Variants in CREBBP observed in about 807,000 individuals in gnomAD.
CREBBP encodes the protein CREB-binding protein.
CREBBP carries 19 observed loss-of-function variants against 265.0 expected under a neutral mutation model. The ratio of observed to expected loss-of-function variants is 0.07; its 90% confidence interval spans 0.05 to 0.11. CREBBP has a LOEUF of 0.11. Among genes scored for constraint, CREBBP ranks in the 10% least tolerant of loss-of-function variants. The probability of loss-of-function intolerance (pLI) is 1.00; values close to 1 mark genes in which losing one functional copy is unlikely to be tolerated. For synonymous variants in CREBBP, 1,457 were observed against 1,223.7 expected, an observed-to-expected ratio of 1.19 and a Z score of -3.98; for missense variants, 2,525 against 3,219.0, an observed-to-expected ratio of 0.78 and a Z score of 5.22.
chr16:3,851,880 G>C (rs1401086110), intron 1 of CREBBP, among the ~76,000 whole-genome samples: 1 of 94,518 alleles, frequency 1.1e-5, no homozygotes, highest in Non-Finnish European at 2.1e-5. Context: ...AAAAAAAAAA[G>C]ACAAAACATT....
At chr16:3,744,753 T>C (rs775549442) in intron 23 of CREBBP, 141 bp downstream of exon 23, 271 of 728,028 alleles carry the variant, frequency 3.7e-4, no homozygotes, top group Non-Finnish European at 6.1e-4. Flanking sequence ...AAATACAAAG[T>C]ACTGGGGAAA....
intron 19 of CREBBP, among the ~76,000 whole-genome samples, chr16:3,756,182 C>G (rs1473633059): frequency 1.3e-5 from 2 of 152,142 alleles, no homozygotes; most frequent in African/African-American, 4.8e-5. Flanking sequence ...ACGCCAAACC[C>G]CACTGTTGAC....
intron 6 of CREBBP, 53 bp downstream of exon 6, chr16:3,782,631 C>A (rs1486682568): frequency 1.7e-5 from 27 of 1,608,066 alleles, no homozygotes; most frequent in Middle Eastern, 1.8e-4. Context: ...TCACTCCATT[C>A]CCTTTGCTGC....
At chr16:3,778,602 T>C (rs1236085474) in intron 9 of CREBBP, 98 bp downstream of exon 9, 1 of 1,061,930 alleles carries the variant, frequency 9.4e-7, no homozygotes, top group Non-Finnish European at 1.5e-6. Flanking sequence ...CTGTCCCAAC[T>C]ACATAGATTC....
chr16:3,758,560 C>G (rs1372995614), intron 17 of CREBBP, among the ~76,000 whole-genome samples: 1 of 152,156 alleles, frequency 6.6e-6, no homozygotes, highest in African/African-American at 2.4e-5. Flanking sequence ...TTCATGTTCA[C>G]AAATTCTTTC....
chr16:3,767,647 T>C, intron 16 of CREBBP, 73 bp downstream of exon 16: 1 of 1,593,196 alleles, frequency 6.3e-7, no homozygotes, highest in South Asian at 1.1e-5. Context: ...CTTTAGCTTT[T>C]AATCCTCCAC....
intron 19 of CREBBP, among the ~76,000 whole-genome samples, chr16:3,754,714 T>C (rs1316764599): frequency 2.6e-5 from 4 of 152,210 alleles, no homozygotes; most frequent in East Asian, 1.9e-4. Context: ...TTTTCCAACA[T>C]GAGTTACTTT....
chr16:3,796,342 T>C (rs1029688601), intron 3 of CREBBP, among the ~76,000 whole-genome samples: 2 of 151,472 alleles, frequency 1.3e-5, no homozygotes, highest in South Asian at 2.1e-4. Context: ...CAGCCTCCCA[T>C]GTAGCTGGGA....
chr16:3,780,677 T>C (rs928513578), intron 8 of CREBBP, 55 bp downstream of exon 8: 7 of 1,595,686 alleles, frequency 4.4e-6, no homozygotes, highest in East Asian at 2.2e-5. Context: ...TGGTAGCCAA[T>C]GGGCAACACA....
chr16:3,749,830 C>T (rs531147579), intron 20 of CREBBP, 147 bp from the exon 21 acceptor site: 28 of 609,066 alleles, frequency 4.6e-5, no homozygotes, highest in African/African-American at 4.3e-4. Flanking sequence ...CATGTAATAA[C>T]GGAATGAACA....
intron 1 of CREBBP, among the ~76,000 whole-genome samples, chr16:3,871,195 T>TCTCTCA (rs1404339203): frequency 1.3e-5 from 1 of 79,110 alleles, no homozygotes; most frequent in African/African-American, 4.7e-5. Context: ...TCTCTCTCTC[T>TCTCTCA]CACTCACACA....
At chr16:3,791,502 A>G (rs1177103170) in intron 5 of CREBBP, among the ~76,000 whole-genome samples, 1 of 152,148 alleles carries the variant, frequency 6.6e-6, no homozygotes, top group Non-Finnish European at 1.5e-5. Flanking sequence ...TCTGTGTGGG[A>G]TTTTATACTG....
In CREBBP at chr16:3,730,507, C is replaced by T. The variant is rs188926016; in HGVS notation, c.5173-633G>A. 1.3e-3 allele frequency: 201 copies of T among 159,202 alleles called. 1 individual carries two copies. The highest frequency in any genetic ancestry group is 0.01 in the South Asian group (56 of 5,460). 9.9% of individuals were successfully genotyped at this position (159,202 alleles called of 1,614,324 possible). A position where few individuals can be genotyped will look rare whatever the true frequency, so the allele number is the denominator to read the frequency against. On this transcript the variant is annotated intron_variant, in intron 30 of 30. Coordinates refer to ENST00000262367, the MANE Select transcript of CREBBP (RefSeq NM_004380.3). ...CTGATGGAGCCCTAGGACCAGGTAC[C>T]ATGACTGTGTTCACAAAAAGATATG... is the stretch of plus-strand genomic sequence containing the variant.
rs149519852 is a variant in CREBBP at position 3,831,190 on chromosome 16, A to G, written c.798+19107T>C. The stretch of plus-strand genomic sequence containing the variant: ...ACCATACAAAGCATGTTTTCTGAAC[A>G]CAGTGGAGTTAAAAACCAACAATAA... On this transcript the variant is annotated intron_variant, in intron 2 of 30. Coordinates refer to ENST00000262367, the MANE Select transcript of CREBBP (RefSeq NM_004380.3). 2.5e-3 allele frequency among the ~76,000 whole-genome samples: 382 copies of G among 152,356 alleles called. 4 individuals carry two copies. The highest frequency in any genetic ancestry group is 8.8e-3 in the African/African-American group (366 of 41,584).
chr16:3,832,987 G>C (rs2054372666), intron 2 of CREBBP, among the ~76,000 whole-genome samples: 1 of 152,084 alleles, frequency 6.6e-6, no homozygotes, highest in Admixed American at 6.5e-5. Flanking sequence ...CAGCAAACTA[G>C]AAACAGAATT....
At chr16:3,754,802 G>T (rs183174733) in intron 19 of CREBBP, among the ~76,000 whole-genome samples, 1 of 152,176 alleles carries the variant, frequency 6.6e-6, no homozygotes, top group Non-Finnish European at 1.5e-5. Flanking sequence ...TTGTTTAAAT[G>T]ATCTGTAGGA....
At chr16:3,795,283 G>C (rs2053585370) in intron 3 of CREBBP, among the ~76,000 whole-genome samples, 1 of 152,118 alleles carries the variant, frequency 6.6e-6, no homozygotes, top group South Asian at 2.1e-4. Context: ...ATACACTGCA[G>C]GAAATTTGGA....
intron 19 of CREBBP, among the ~76,000 whole-genome samples, chr16:3,756,737 C>A (rs2052594975): frequency 6.6e-6 from 1 of 152,092 alleles, no homozygotes; most frequent in African/African-American, 2.4e-5. Flanking sequence ...CTGATCAGGC[C>A]AAATTACCAG....
intron 2 of CREBBP, among the ~76,000 whole-genome samples, chr16:3,820,154 G>C (rs929676773): frequency 3.3e-5 from 5 of 152,192 alleles, no homozygotes; most frequent in Non-Finnish European, 7.3e-5. Context: ...ACTACGGCCA[G>C]ATCATTTGTA....
Sources: gnomAD v4.1 joint callset for allele counts (sites outside exome capture counted in the v4.1 genomes callset) on GRCh38, gnomAD v4.1.1 for gene constraint, MANE v1.5 for transcripts, NCBI Gene and HGNC (gene_info 2026-07-23, HGNC 2026-07-21) for gene names.